NPFFR1: variants seen among roughly 807,000 people sequenced by gnomAD.
NPFFR1 encodes the protein neuropeptide FF receptor 1.
In NPFFR1, 17 loss-of-function variants were observed where a neutral mutation model predicts 12.7. The ratio of observed to expected loss-of-function variants is 1.34; its 90% CI spans 0.92 to 2.01. The LOEUF (loss-of-function observed/expected upper bound fraction) is 2.01, where lower values mean the gene tolerates loss of function less well. Among genes scored for constraint, NPFFR1 ranks in the 30% most tolerant of loss-of-function variants. The probability of loss-of-function intolerance (pLI) is 0.00; values close to 1 mark genes in which losing one functional copy is unlikely to be tolerated. For missense variants in NPFFR1, 604 were observed against 606.5 expected (o/e 1.00, Z 0.04); for synonymous variants, 296 against 264.5 (o/e 1.12, Z -1.16).
At chr10:70,261,158 G>A (rs1047804682) in intron 2 of NPFFR1, among the ~76,000 whole-genome samples, 8 of 152,088 alleles carry the variant, frequency 5.3e-5, no homozygotes, top group African/African-American at 1.7e-4. Flanking sequence ...CCCATGGGAG[G>A]TAACTGAATC....
intron 3 of NPFFR1, among the ~76,000 whole-genome samples, chr10:70,256,660 TA>T (rs900746748): frequency 1.3e-5 from 2 of 152,230 alleles, no homozygotes; most frequent in Admixed American, 1.3e-4. Flanking sequence ...CACCCTTTAT[TA>T]TTTTTTAAAG....
At chr10:70,267,062 A>G (rs955624324) in intron 1 of NPFFR1, among the ~76,000 whole-genome samples, 1 of 152,186 alleles carries the variant, frequency 6.6e-6, no homozygotes, top group Admixed American at 6.5e-5. Context: ...TGTTCAGTTA[A>G]ACCCTTTCTG....
chr10:70,264,493 C>A (rs1479429512), intron 2 of NPFFR1, among the ~76,000 whole-genome samples: 1 of 151,442 alleles, frequency 6.6e-6, no homozygotes, highest in Non-Finnish European at 1.5e-5. Context: ...TACATCCATA[C>A]AATGGAATTC....
intron 1 of NPFFR1, among the ~76,000 whole-genome samples, chr10:70,270,374 G>A (rs1840733726): frequency 6.6e-6 from 1 of 152,136 alleles, no homozygotes; most frequent in Admixed American, 6.5e-5. Flanking sequence ...GCTTACCCCT[G>A]CCGAGCCTCA....
At position 70,253,634 on chromosome 10, in the gene NPFFR1, T is replaced by A. The variant is rs1265528335; in HGVS notation, c.*1323A>T. On this transcript the variant is annotated 3_prime_UTR_variant, in exon 4 of 4. Coordinates refer to ENST00000277942, the MANE Select transcript of NPFFR1 (RefSeq NM_022146.5). ...AGTGGAGCAAACAGTAAACAGTCAC[T>A]GTGTGTCGGTTAAGGGAACAGAGCC... The A allele has an allele frequency of 1.3e-5, 2 of 152,208 alleles. No individual in the cohort carries two copies. Among genetic ancestry groups the A allele is most frequent in the Admixed American group, 6.5e-5 (1 of 15,282 alleles). The allele number at this position is 152,208 out of a possible 1,614,324, so 9.4% of individuals were successfully genotyped here.
chr10:70,267,699 T>A (rs1421899432), intron 1 of NPFFR1, among the ~76,000 whole-genome samples: 2 of 152,214 alleles, frequency 1.3e-5, no homozygotes, highest in African/African-American at 2.4e-5. Flanking sequence ...TGAGGCCTAT[T>A]CCAGGGGATG....
At chr10:70,274,660 C>A (rs1415889023) in intron 1 of NPFFR1, among the ~76,000 whole-genome samples, 1 of 152,200 alleles carries the variant, frequency 6.6e-6, no homozygotes, top group Non-Finnish European at 1.5e-5. Context: ...TACTTCATCC[C>A]TGTGTTCTCC....
chr10:70,272,159 GAGAGAA>G (rs1438556385), intron 1 of NPFFR1, among the ~76,000 whole-genome samples: 15 of 139,246 alleles, frequency 1.1e-4, no homozygotes, highest in African/African-American at 1.6e-4. Context: ...GAGAGAGAGA[GAGAGAA>G]AGAAAGAAAG....
At position 70,266,400 on chromosome 10, in the gene NPFFR1, A is replaced by G; in HGVS notation, c.8-9T>C. On this transcript the variant is annotated splice_polypyrimidine_tract_variant and intron_variant, in intron 1 of 3. Coordinates refer to ENST00000277942, the MANE Select transcript of NPFFR1 (RefSeq NM_022146.5). ...AGGCTGGGAGGGCTCCCCTAGGACC[A>G]AAGGAATATATTGGTCAGGACCTTA... 6.2e-7 allele frequency: 1 copy of G among 1,605,490 alleles called. No individual in the cohort carries two copies. The highest frequency in any genetic ancestry group is 8.5e-7 in the Non-Finnish European group (1 of 1,175,232).
chr10:70,281,751 T>A (rs1405891533), intron 1 of NPFFR1, among the ~76,000 whole-genome samples: 2 of 152,226 alleles, frequency 1.3e-5, no homozygotes, highest in Non-Finnish European at 2.9e-5. Flanking sequence ...CTGCATAGTA[T>A]GCCATTGCAG....
At chr10:70,257,570 C>A (rs1840584957) in intron 3 of NPFFR1, among the ~76,000 whole-genome samples, 1 of 152,206 alleles carries the variant, frequency 6.6e-6, no homozygotes, top group Non-Finnish European at 1.5e-5. Context: ...AAAGTTTCTC[C>A]CCATATGATA....
At chr10:70,271,842 C>T (rs954525980) in intron 1 of NPFFR1, among the ~76,000 whole-genome samples, 7 of 152,064 alleles carry the variant, frequency 4.6e-5, no homozygotes, top group East Asian at 1.9e-4. Context: ...CCTGGCAGGG[C>T]GCGGTGGCTC....
Position 70,260,673 on chromosome 10 carries a change from G to A in NPFFR1, c.389C>T (p.Ser130Phe), listed in dbSNP as rs1206584677. ...AGCAATGGCCACCAGTGTGAAAACGGAAGCCGACACAGACATGCCCTGCAC... is the reference window on the plus strand; with the variant it reads ...AGCAATGGCCACCAGTGTGAAAACGAAAGCCGACACAGACATGCCCTGCAC... ...GLVQGMSVSA[S>F]VFTLVAIAVE... The change falls in exon 3 of 4, where the codon TCC becomes TTC. Residue 130 changes from serine (S) to phenylalanine (F), a missense_variant. Coordinates refer to ENST00000277942, the MANE Select transcript of NPFFR1 (RefSeq NM_022146.5). The A allele has an allele frequency of 4.3e-6, 7 of 1,611,090 alleles. No homozygotes were observed. The highest frequency in any genetic ancestry group is 5.9e-6 in the Non-Finnish European group (7 of 1,178,810).
Position 70,255,174 on chromosome 10 carries a change from GCCT to G in NPFFR1, c.1073_1075del (p.Glu358del). ...AAGCCCGCCGGGCCGCTCGGAGTAG[GCCT>G]CCTTGTGGCTCCCCGACGGGCGCGG... On this transcript the variant is annotated inframe_deletion, in exon 4 of 4. Transcript: ENST00000277942. The surrounding 1 kb of genome is among the most constrained non-coding windows in gnomAD (Gnocchi z 4.2). 6.5e-7 allele frequency: 1 copy of G among 1,547,472 alleles called. No homozygotes were observed. Among genetic ancestry groups the G allele is most frequent in the Non-Finnish European group, 8.7e-7 (1 of 1,148,762 alleles).
Position 70,250,241 on chromosome 10 carries a change from G to A in NPFFR1, c.*4716C>T, listed in dbSNP as rs1216095838. ...ATTTTCAAAAGGCTAATACTGCTAA[G>A]TGTTGGCCAGGATGTAGAACAACTG... On this transcript the variant is annotated 3_prime_UTR_variant, in exon 4 of 4. Transcript: ENST00000277942. 1 of 152,228 alleles carries A rather than the reference G, an allele frequency of 6.6e-6. No individual in the cohort carries two copies. Among genetic ancestry groups the A allele is most frequent in the East Asian group, 1.9e-4 (1 of 5,206 alleles). 9.4% of individuals were successfully genotyped at this position (152,228 alleles called of 1,614,324 possible). A position where few individuals can be genotyped will look rare whatever the true frequency, so the allele number is the denominator to read the frequency against.
chr10:70,266,557 C>G (rs1564595518), intron 1 of NPFFR1, among the ~76,000 whole-genome samples, 166 bp from the exon 2 acceptor site: 1 of 152,242 alleles, frequency 6.6e-6, no homozygotes, highest in Non-Finnish European at 1.5e-5. Context: ...AGACTTTCAG[C>G]CTACAACCAC....
chr10:70,258,592 AAGATTAAGTG>A (rs1229528397), intron 3 of NPFFR1, among the ~76,000 whole-genome samples: 1 of 152,196 alleles, frequency 6.6e-6, no homozygotes, highest in East Asian at 1.9e-4. Flanking sequence ...GGTAGTTGTG[AAGATTAAGTG>A]AGATGACACT....
rs924428596 is a variant in NPFFR1, at chr10:70,283,791, C to T, written c.-115G>A. ...ACTTGGTTGCGGGCTGCGCCCCTGCCTCCGCGCTCCGCAGGTCCGGTCGGT... is the reference window on the plus strand; with the variant it reads ...ACTTGGTTGCGGGCTGCGCCCCTGCTTCCGCGCTCCGCAGGTCCGGTCGGT... On this transcript the variant is annotated 5_prime_UTR_variant, in exon 1 of 4. Coordinates refer to ENST00000277942, the MANE Select transcript of NPFFR1 (RefSeq NM_022146.5). 8.5e-7 allele frequency: 1 copy of T among 1,176,636 alleles called. No individual in the cohort carries two copies. The highest frequency in any genetic ancestry group is 1.2e-6 in the Non-Finnish European group (1 of 828,906). 72.9% of individuals were successfully genotyped at this position (1,176,636 alleles called of 1,614,324 possible). A position where few individuals can be genotyped will look rare whatever the true frequency, so the allele number is the denominator to read the frequency against.
Position 70,254,951 on chromosome 10 carries a change from AC to A in NPFFR1, c.*5del. ...TGAGGCAGCGTCCCGCCCTCCCTGGACCCCCTCAGATATCCCAGGCTGGAAT... is the reference window on the plus strand; with the variant it reads ...TGAGGCAGCGTCCCGCCCTCCCTGGACCCCTCAGATATCCCAGGCTGGAAT... On this transcript the variant is annotated 3_prime_UTR_variant, in exon 4 of 4. Coordinates refer to ENST00000277942, the MANE Select transcript of NPFFR1 (RefSeq NM_022146.5). The A allele has an allele frequency of 7.2e-7, 1 of 1,397,372 alleles. No homozygotes were observed. The highest frequency in any genetic ancestry group is 9.3e-7 in the Non-Finnish European group (1 of 1,078,444). The allele number at this position is 1,397,372 out of a possible 1,614,324, so 86.6% of individuals were successfully genotyped here. A position where few individuals can be genotyped will look rare whatever the true frequency, so the allele number is the denominator to read the frequency against.
Sources: allele counts gnomAD v4.1 joint callset (sites outside exome capture counted in the v4.1 genomes callset), GRCh38; gene constraint gnomAD v4.1.1; non-coding constraint Gnocchi (gnomAD v3.1); transcripts MANE v1.5; gene names NCBI Gene and HGNC (gene_info 2026-07-23, HGNC 2026-07-21).